VPS13D: variants seen among roughly 807,000 people sequenced by gnomAD.
VPS13D encodes the protein vacuolar protein sorting 13 homolog D.
VPS13D carries 187 observed loss-of-function variants against 461.9 expected under a neutral mutation model. The observed-to-expected ratio is 0.40, with a 90% CI of 0.36 to 0.46. The LOEUF is 0.46. Among genes scored for constraint, VPS13D ranks in the 20% least tolerant of loss-of-function variants. The probability of loss-of-function intolerance (pLI) is 0.60; values close to 1 mark genes in which losing one functional copy is unlikely to be tolerated. For missense variants in VPS13D, 4,711 were observed against 5,364.9 expected, an observed-to-expected ratio of 0.88 and a Z score of 3.81; for synonymous variants, 1,951 against 1,986.3, an observed-to-expected ratio of 0.98 and a Z score of 0.47.
At chr1:12,488,334 G>A (rs539014336) in intron 67 of VPS13D, among the ~76,000 whole-genome samples, 1 of 152,262 alleles carries the variant, frequency 6.6e-6, no homozygotes, top group East Asian at 1.9e-4. Context: ...CAACCAAGTA[G>A]GTATTAAGTT....
Position 12,279,443 on chromosome 1 carries a change from A to G in VPS13D, c.4451-56A>G. ...TTTGTATATTCTACGTTTAATCAGC[A>G]GTAATGAAGTAAATATTAAGGTTTA... On this transcript the variant is annotated intron_variant, in intron 19 of 69. Coordinates refer to ENST00000620676, the MANE Select transcript of VPS13D (RefSeq NM_015378.4). This position sits in a 1 kb window ranked among gnomAD's most constrained non-coding sequence, Gnocchi z 4.3. 1 of 1,500,798 alleles carries G rather than the reference A, an allele frequency of 6.7e-7. No individual in the cohort carries two copies. The allele number at this position is 1,500,798 out of a possible 1,614,324, so 93.0% of individuals were successfully genotyped here. A position where few individuals can be genotyped will look rare whatever the true frequency, so the allele number is the denominator to read the frequency against.
intron 27 of VPS13D, among the ~76,000 whole-genome samples, chr1:12,309,954 C>G (rs574922792): frequency 1.3e-5 from 2 of 152,006 alleles, no homozygotes; most frequent in African/African-American, 4.8e-5. Flanking sequence ...TTCAGTCTTA[C>G]GTGTTATTCA....
chr1:12,431,747 C>T (rs904576206), intron 65 of VPS13D, among the ~76,000 whole-genome samples: 10 of 151,936 alleles, frequency 6.6e-5, no homozygotes, highest in East Asian at 1.9e-4. Context: ...GTCAACTTAC[C>T]GGAAGGGGCT....
At chr1:12,363,514 G>A (rs1643981668) in intron 52 of VPS13D, among the ~76,000 whole-genome samples, 1 of 152,130 alleles carries the variant, frequency 6.6e-6, no homozygotes, top group Admixed American at 6.5e-5. Flanking sequence ...ACTTTGAAAG[G>A]TCTGTCTGCA....
intron 65 of VPS13D, among the ~76,000 whole-genome samples, chr1:12,429,572 G>A (rs1266227058): frequency 6.6e-6 from 1 of 152,194 alleles, no homozygotes; most frequent in Admixed American, 6.5e-5. Flanking sequence ...CATTACAGGC[G>A]TGAGCCACTG....
At chr1:12,475,637 T>C (rs1328450619) in intron 67 of VPS13D, among the ~76,000 whole-genome samples, 1 of 152,210 alleles carries the variant, frequency 6.6e-6, no homozygotes, top group East Asian at 1.9e-4. Flanking sequence ...CCGCAAGGGA[T>C]TGAGTCTGTA....
chr1:12,395,233 G>T (rs987637247), intron 60 of VPS13D, among the ~76,000 whole-genome samples: 3 of 152,192 alleles, frequency 2.0e-5, no homozygotes, highest in African/African-American at 7.2e-5. Context: ...AGCATGGGTT[G>T]AGGAGATGTT....
intron 23 of VPS13D, among the ~76,000 whole-genome samples, chr1:12,292,898 A>G (rs1642175748): frequency 6.6e-6 from 1 of 152,156 alleles, no homozygotes; most frequent in African/African-American, 2.4e-5. Context: ...GAAGTCCGAT[A>G]ATTAATGTAA....
Position 12,473,842 on chromosome 1 carries a change from C to G in VPS13D, c.12662+13446C>G, listed in dbSNP as rs966672269. On this transcript the variant is annotated intron_variant, in intron 67 of 69. Coordinates refer to ENST00000620676, the MANE Select transcript of VPS13D (RefSeq NM_015378.4). This position sits in a 1 kb window ranked among gnomAD's most constrained non-coding sequence, Gnocchi z 4.2. ...ATTCTCTTTCTTCACACAAAATGAA[C>G]AGTTGAACTCAGGCCACCAAACCTG... Among the ~76,000 whole-genome samples, 1 of 152,108 alleles carries G rather than the reference C, an allele frequency of 6.6e-6. No individual in the cohort carries two copies. Among genetic ancestry groups the G allele is most frequent in the Non-Finnish European group, 1.5e-5 (1 of 68,030 alleles).
intron 67 of VPS13D, among the ~76,000 whole-genome samples, chr1:12,486,952 A>G (rs1645805227): frequency 6.6e-6 from 1 of 151,940 alleles, no homozygotes; most frequent in African/African-American, 2.4e-5. Flanking sequence ...GCTTCCCTCA[A>G]CACCTACGTT....
chr1:12,284,739 T>A (rs1641911711), intron 21 of VPS13D, among the ~76,000 whole-genome samples: 1 of 152,254 alleles, frequency 6.6e-6, no homozygotes, highest in African/African-American at 2.4e-5. Flanking sequence ...CATTTTATCC[T>A]GTTGCCATTT....
intron 67 of VPS13D, chr1:12,478,561 A>G: frequency 2.9e-6 from 1 of 343,998 alleles, no homozygotes; most frequent in South Asian, 2.3e-5. Context: ...CTCACACTGC[A>G]TGTAATAGAA....
At position 12,327,728 on chromosome 1, in the gene VPS13D, G is replaced by C; in HGVS notation, c.8071G>C (p.Asp2691His). The change falls in exon 36 of 70, where the codon GAT becomes CAT. Residue 2691 changes from aspartate to histidine, a missense_variant. Physicochemically the swap from Asp to His is moderately conservative, Grantham distance 81. This residue lies in a region of VPS13D where 4,411 missense variants were observed against 4,937.8 expected (regional missense o/e 0.89). Transcript: ENST00000620676. ...TCTTTCCTTGGCCTCCACCAGCCGA[G>C]ATAGCCCAGGGGCTGTGGCAGCGCC... Reference protein sequence around the residue: ...KSLSLASTSRDSPGAVAAPLI... With the variant: ...KSLSLASTSRHSPGAVAAPLI... The C allele has an allele frequency of 6.2e-7, 1 of 1,614,196 alleles. No individual in the cohort carries two copies. Among genetic ancestry groups the C allele is most frequent in the Non-Finnish European group, 8.5e-7 (1 of 1,180,028 alleles).
chr1:12,417,176 C>T lies in VPS13D; in HGVS notation c.12333+349C>T, dbSNP rs1396176684. Among the ~76,000 whole-genome samples the T allele has an allele frequency of 3.3e-5, 5 of 152,206 alleles. 1 individual carries two copies. In the South Asian group the frequency reaches 1.0e-3, roughly 32 times the overall value. ...GAACTCACTGGATTGTGCCATTCTC[C>T]TGCCTGAGATCTACCAGTTATTGCC... On this transcript the variant is annotated intron_variant, in intron 65 of 69. Coordinates refer to ENST00000620676, the MANE Select transcript of VPS13D (RefSeq NM_015378.4).
At chr1:12,406,536 G>A (rs903067120) in intron 63 of VPS13D, among the ~76,000 whole-genome samples, 6 of 152,184 alleles carry the variant, frequency 3.9e-5, no homozygotes, top group East Asian at 1.9e-4. Flanking sequence ...TACACTGAGG[G>A]TACATTGTTG....
chr1:12,253,379 A>G (rs2101247782), intron 6 of VPS13D, among the ~76,000 whole-genome samples: 1 of 152,248 alleles, frequency 6.6e-6, no homozygotes. Context: ...GGAGGACTGT[A>G]TGGTTGACCC....
In VPS13D at chr1:12,273,029, G is replaced by C; in HGVS notation, c.2130G>C (p.Arg710=). ...FIEESKRWTV[R]LDISAPQVIF... ...AGGAGAGTAAACGATGGACCGTGCG[G>C]CTGGATATTTCTGCCCCTCAGGTGA... The change falls in exon 18 of 70, where the codon CGG becomes CGC. Residue 710 remains arginine, a synonymous_variant. Coordinates refer to ENST00000620676, the MANE Select transcript of VPS13D (RefSeq NM_015378.4). The C allele has an allele frequency of 1.9e-6, 3 of 1,614,080 alleles. No homozygotes were observed. Among genetic ancestry groups the C allele is most frequent in the Non-Finnish European group, 2.5e-6 (3 of 1,179,984 alleles).
chr1:12,233,600 G>A (rs1287653089), intron 1 of VPS13D, among the ~76,000 whole-genome samples: 2 of 152,228 alleles, frequency 1.3e-5, no homozygotes, highest in Non-Finnish European at 2.9e-5. Context: ...GCAATGGACA[G>A]TTACACTGAA....
At chr1:12,302,618 T>G (rs557448507) in intron 25 of VPS13D, among the ~76,000 whole-genome samples, 3 of 152,228 alleles carry the variant, frequency 2.0e-5, no homozygotes, top group African/African-American at 7.2e-5. Context: ...CTTCAAGGTA[T>G]AATGTGCTTT....
Sources: allele counts gnomAD v4.1 joint callset (sites outside exome capture counted in the v4.1 genomes callset), GRCh38; gene constraint gnomAD v4.1.1; regional missense constraint gnomAD v4.1.1; non-coding constraint Gnocchi (gnomAD v3.1); transcripts MANE v1.5; gene names NCBI Gene and HGNC (gene_info 2026-07-23, HGNC 2026-07-21).